Variants in ITPK1 observed in about 807,000 individuals in gnomAD.
The protein encoded by ITPK1 is inositol-tetrakisphosphate 1-kinase, also known as inositol 1,3,4-trisphosphate 5/6-kinase.
A neutral mutation model predicts 45.3 loss-of-function variants in ITPK1; 21 were observed. The observed-to-expected ratio is 0.46, with a 90% CI of 0.33 to 0.67. The LOEUF (loss-of-function observed/expected upper bound fraction) is 0.67, where lower values mean the gene tolerates loss of function less well. ITPK1 is among the 30% of genes least tolerant of loss of function. The pLI is 0.02. For missense variants in ITPK1, 474 were observed against 573.5 expected (o/e 0.83, Z 1.77); for synonymous variants, 258 against 253.6 (o/e 1.02, Z -0.16).
At chr14:92,942,758 C>A in intron 10 of ITPK1, among the ~76,000 whole-genome samples, 1 of 152,236 alleles carries the variant, frequency 6.6e-6, no homozygotes, top group East Asian at 1.9e-4. Flanking sequence ...AGCCACCAAG[C>A]AGGTTTCGGA....
intron 5 of ITPK1, among the ~76,000 whole-genome samples, chr14:92,963,483 T>G (rs1885193835): frequency 6.6e-6 from 1 of 152,146 alleles, no homozygotes; most frequent in Non-Finnish European, 1.5e-5. Context: ...GCAGACTACT[T>G]AACATAATTG....
chr14:92,949,256 G>A (rs983237331), intron 9 of ITPK1, among the ~76,000 whole-genome samples: 2 of 152,114 alleles, frequency 1.3e-5, no homozygotes, highest in South Asian at 2.1e-4. Context: ...ACTACGCCCT[G>A]CTAATTTTTG....
intron 9 of ITPK1, among the ~76,000 whole-genome samples, chr14:92,950,610 G>A (rs1032664757): frequency 2.0e-5 from 3 of 152,188 alleles, no homozygotes; most frequent in Admixed American, 2.0e-4. Context: ...GTCAACAAGT[G>A]ATAATCCAAG....
chr14:93,101,796 C>A (rs1372605734), intron 2 of ITPK1, among the ~76,000 whole-genome samples: 10 of 152,100 alleles, frequency 6.6e-5, no homozygotes, highest in Admixed American at 6.5e-4. Context: ...GTTGCAGTGA[C>A]CTGAGATCGC....
chr14:93,110,960 G>A (rs1040442529), intron 2 of ITPK1, among the ~76,000 whole-genome samples: 4 of 151,978 alleles, frequency 2.6e-5, no homozygotes, highest in African/African-American at 7.3e-5. Flanking sequence ...ATAGACTCCC[G>A]GAGCCTCTGT....
intron 3 of ITPK1, among the ~76,000 whole-genome samples, chr14:93,019,202 C>T (rs969327544): frequency 1.3e-5 from 2 of 152,214 alleles, no homozygotes; most frequent in Non-Finnish European, 2.9e-5. Context: ...AGGAGCGACG[C>T]ATCCGGGCCC....
intron 5 of ITPK1, among the ~76,000 whole-genome samples, chr14:92,976,129 T>C (rs930337210): frequency 1.3e-5 from 2 of 152,242 alleles, no homozygotes; most frequent in Admixed American, 6.5e-5. Context: ...GTCTTGGGTA[T>C]GTCCTTATAG....
chr14:93,037,801 C>A (rs58352605), intron 3 of ITPK1, among the ~76,000 whole-genome samples: 61 of 152,160 alleles, frequency 4.0e-4, no homozygotes, highest in African/African-American at 1.3e-3. Flanking sequence ...TACAGCTTTT[C>A]AAAAAAACTG....
chr14:93,049,464 G>A (rs368548782), intron 3 of ITPK1, among the ~76,000 whole-genome samples: 2 of 152,172 alleles, frequency 1.3e-5, no homozygotes, highest in South Asian at 4.1e-4. Flanking sequence ...TGTTGCTGGT[G>A]TCTGAGTTGG....
chr14:92,975,046 C>T (rs944764193), intron 5 of ITPK1, among the ~76,000 whole-genome samples: 2 of 152,200 alleles, frequency 1.3e-5, no homozygotes, highest in Admixed American at 1.3e-4. Flanking sequence ...TGTTGGCATG[C>T]CTCATGCTGT....
chr14:93,013,490 T>C (rs1410477536), intron 4 of ITPK1, among the ~76,000 whole-genome samples: 2 of 152,060 alleles, frequency 1.3e-5, no homozygotes, highest in Non-Finnish European at 2.9e-5. Flanking sequence ...GGCAGCCCAG[T>C]GCAGTGCTCT....
intron 3 of ITPK1, among the ~76,000 whole-genome samples, chr14:93,043,961 C>T (rs2139916270): frequency 6.6e-6 from 1 of 152,344 alleles, no homozygotes; most frequent in Non-Finnish European, 1.5e-5. Context: ...AAATCTTTTC[C>T]CCTTCACCAG....
rs781427365 is a variant in ITPK1 at position 93,012,654 on chromosome 14, C to A, written c.246+4022G>T. 2.6e-5 allele frequency among the ~76,000 whole-genome samples: 4 copies of A among 152,138 alleles called. No individual in the cohort carries two copies. The highest frequency in any genetic ancestry group is 1.9e-4 in the East Asian group (1 of 5,188). ...GCCTCTCCTCCTGGCCAGGAGCTCG[C>A]GGGCAGGGCACCCAGCAGTGCTGCC... On this transcript the variant is annotated intron_variant, in intron 4 of 10. Transcript: ENST00000267615. The surrounding 1 kb of genome is among the most constrained non-coding windows in gnomAD (Gnocchi z 4.9).
intron 2 of ITPK1, among the ~76,000 whole-genome samples, chr14:93,097,495 C>T (rs373069719): frequency 4.6e-5 from 7 of 152,168 alleles, no homozygotes; most frequent in South Asian, 2.1e-4. Context: ...ACCACACACA[C>T]GCAAGGGATT....
At chr14:93,099,197 C>A (rs1385978004) in intron 2 of ITPK1, among the ~76,000 whole-genome samples, 1 of 152,088 alleles carries the variant, frequency 6.6e-6, no homozygotes. Flanking sequence ...TATATCGGAG[C>A]GGAGTGTCCT....
At chr14:93,107,300 G>C (rs920412300) in intron 2 of ITPK1, among the ~76,000 whole-genome samples, 3 of 152,144 alleles carry the variant, frequency 2.0e-5, no homozygotes, top group African/African-American at 7.2e-5. Flanking sequence ...ACTGGTATAG[G>C]CACTGGGGTT....
chr14:93,054,696 G>C (rs866509703), intron 3 of ITPK1, among the ~76,000 whole-genome samples: 47 of 152,290 alleles, frequency 3.1e-4, no homozygotes, highest in African/African-American at 1.0e-3. Context: ...GAGAGCTTCA[G>C]GAGGGGCGGT....
chr14:92,998,214 C>A (rs1049120852), intron 4 of ITPK1, among the ~76,000 whole-genome samples: 2 of 152,184 alleles, frequency 1.3e-5, no homozygotes, highest in Non-Finnish European at 2.9e-5. Flanking sequence ...AGTTTGTAGA[C>A]ACAAAAATGA....
chr14:92,941,951 G>C (rs28403599), intron 10 of ITPK1, 47 bp from the exon 11 acceptor site: 1 of 1,536,324 alleles, frequency 6.5e-7, no homozygotes, highest in African/African-American at 1.4e-5. Flanking sequence ...CCAGGGGCAC[G>C]CATCATGCAG....
Sources: allele counts gnomAD v4.1 joint callset (sites outside exome capture counted in the v4.1 genomes callset), GRCh38; gene constraint gnomAD v4.1.1; non-coding constraint Gnocchi (gnomAD v3.1); transcripts MANE v1.5; gene names NCBI Gene and HGNC (gene_info 2026-07-23, HGNC 2026-07-21).